The following ERN1 variants were observed in gnomAD, a reference collection of about 807,000 sequenced individuals.
ERN1 encodes serine/threonine-protein kinase/endoribonuclease IRE1.
Under a neutral mutation model 113.1 loss-of-function variants are expected in ERN1, and 39 were observed. That is an observed-to-expected ratio of 0.34 (90% CI 0.27 to 0.45). The LOEUF is 0.45. Among genes scored for constraint, ERN1 ranks in the 20% least tolerant of loss-of-function variants. The probability of loss-of-function intolerance (pLI) is 1.00; values close to 1 mark genes in which losing one functional copy is unlikely to be tolerated. For synonymous variants in ERN1, 507 were observed against 515.9 expected (o/e 0.98, Z 0.23); for missense variants, 976 against 1,274.8 (o/e 0.77, Z 3.57).
At chr17:64,071,885 A>G in intron 6 of ERN1, 96 bp downstream of exon 6, 3 of 1,371,706 alleles carry the variant, frequency 2.2e-6, no homozygotes, top group Non-Finnish European at 3.0e-6. Flanking sequence ...TTTGGAAAAA[A>G]GCAGCTCTGG....
intron 1 of ERN1, among the ~76,000 whole-genome samples, chr17:64,100,421 TG>T (rs1433571999): frequency 8.5e-5 from 13 of 152,316 alleles, no homozygotes; most frequent in African/African-American, 2.6e-4. Flanking sequence ...ATAACCACTC[TG>T]TACAACAGGT....
At chr17:64,064,478 C>T (rs1016029661) in intron 9 of ERN1, among the ~76,000 whole-genome samples, 7 of 152,230 alleles carry the variant, frequency 4.6e-5, no homozygotes, top group Non-Finnish European at 4.4e-5. Flanking sequence ...TAGTCACAAT[C>T]TACGCAACCA....
chr17:64,085,382 A>G (rs1374372186), intron 2 of ERN1, among the ~76,000 whole-genome samples: 1 of 152,186 alleles, frequency 6.6e-6, no homozygotes, highest in Non-Finnish European at 1.5e-5. Flanking sequence ...AGAAGCAGCG[A>G]GAGGGGAGAA....
At chr17:64,050,231 A>T (rs933236168) in intron 17 of ERN1, among the ~76,000 whole-genome samples, 2 of 152,126 alleles carry the variant, frequency 1.3e-5, no homozygotes, top group Non-Finnish European at 2.9e-5. Flanking sequence ...GATTCGGGAC[A>T]GGAGGAACAT....
intron 8 of ERN1, 39 bp from the exon 9 acceptor site, chr17:64,065,326 A>T: frequency 6.9e-7 from 1 of 1,458,804 alleles, no homozygotes; most frequent in Middle Eastern, 1.7e-4. Flanking sequence ...AGAGTCATTG[A>T]ATTTCCAGAT....
intron 11 of ERN1, among the ~76,000 whole-genome samples, chr17:64,058,421 C>T (rs552124699): frequency 6.6e-5 from 10 of 152,260 alleles, no homozygotes; most frequent in African/African-American, 1.9e-4. Context: ...GAAATCCGCA[C>T]GTATACAGAG....
chr17:64,100,353 G>C (rs1273764744), intron 1 of ERN1, among the ~76,000 whole-genome samples: 1 of 152,114 alleles, frequency 6.6e-6, no homozygotes, highest in Admixed American at 6.5e-5. Flanking sequence ...GCATACCTGG[G>C]GCCAAGAAGT....
intron 19 of ERN1, among the ~76,000 whole-genome samples, chr17:64,046,681 G>C (rs143797705): frequency 1.3e-5 from 2 of 152,178 alleles, no homozygotes. Context: ...TCCTGTCCTC[G>C]AGGAGCTTAC....
chr17:64,086,774 G>A (rs991329765), intron 2 of ERN1, among the ~76,000 whole-genome samples: 36 of 149,420 alleles, frequency 2.4e-4, no homozygotes, highest in African/African-American at 8.8e-4. Flanking sequence ...AGCCTACCGA[G>A]TAGCTGGGAC....
chr17:64,068,157 C>T (rs369603772), intron 7 of ERN1, 33 bp downstream of exon 7: 5 of 1,507,148 alleles, frequency 3.3e-6, no homozygotes, highest in Non-Finnish European at 4.6e-6. Context: ...AAGTACTGGC[C>T]CAAGCTTGTG....
At position 64,094,363 on chromosome 17, in the gene ERN1, A is replaced by G. The variant is rs114581148; in HGVS notation, c.175+3758T>C. ...GTCCGAGCATTTACATGCTATATCTATGTGATTAAAAAAATACTTTCCTAT... is the reference window on the plus strand; with the variant it reads ...GTCCGAGCATTTACATGCTATATCTGTGTGATTAAAAAAATACTTTCCTAT... On this transcript the variant is annotated intron_variant, in intron 2 of 21. Transcript: ENST00000433197. Among the ~76,000 whole-genome samples, 957 of 152,242 alleles carry G rather than the reference A, an allele frequency of 6.3e-3. 8 individuals carry two copies. Among genetic ancestry groups the G allele is most frequent in the African/African-American group, 0.022 (919 of 41,528 alleles).
chr17:64,092,224 T>C (rs1027910614), intron 2 of ERN1, among the ~76,000 whole-genome samples: 2 of 152,100 alleles, frequency 1.3e-5, no homozygotes, highest in Non-Finnish European at 2.9e-5. Flanking sequence ...CCAGTCTGCA[T>C]GACAGGGCTT....
At chr17:64,085,875 G>C (rs904439117) in intron 2 of ERN1, among the ~76,000 whole-genome samples, 1 of 152,106 alleles carries the variant, frequency 6.6e-6, no homozygotes, top group Non-Finnish European at 1.5e-5. Flanking sequence ...ACTACTCCTT[G>C]CCTCAAGGTC....
intron 12 of ERN1, 100 bp from the exon 13 acceptor site, chr17:64,056,048 C>G (rs1912858930): frequency 6.9e-7 from 1 of 1,444,000 alleles, no homozygotes; most frequent in Non-Finnish European, 9.1e-7. Flanking sequence ...AGCATGTGTA[C>G]TTTATGTGAC....
chr17:64,053,683 T>C (rs1912762012), intron 15 of ERN1, among the ~76,000 whole-genome samples: 1 of 152,106 alleles, frequency 6.6e-6, no homozygotes, highest in Admixed American at 6.5e-5. Context: ...TCTTAAAGCC[T>C]GGAGTTACCA....
rs371735976 is a variant in ERN1, at chr17:64,045,342, C to T, written c.2653+17G>A. 4.4e-4 allele frequency: 718 copies of T among 1,613,738 alleles called. No homozygotes were observed. The highest frequency in any genetic ancestry group is 5.5e-4 in the Admixed American group (33 of 60,010). ...GACTTTTGCAACCTGCCCTCTCACA[C>T]GCTGCAGCATGATCACCTGTCTGGA... On this transcript the variant is annotated intron_variant, in intron 20 of 21. Coordinates refer to ENST00000433197, the MANE Select transcript of ERN1 (RefSeq NM_001433.5).
At chr17:64,128,669 G>C (rs529020316) in intron 1 of ERN1, 20 of 152,204 alleles carry the variant, frequency 1.3e-4, no homozygotes, top group African/African-American at 3.6e-4. Flanking sequence ...ACCAATCCAA[G>C]GTGAGGTGCT....
intron 1 of ERN1, among the ~76,000 whole-genome samples, chr17:64,112,224 C>T (rs962857532): frequency 6.6e-6 from 1 of 151,876 alleles, no homozygotes; most frequent in African/African-American, 2.4e-5. Context: ...AAAAATTAGC[C>T]GGACACGGTG....
chr17:64,066,310 G>C (rs1185630916), intron 8 of ERN1, among the ~76,000 whole-genome samples: 1 of 152,076 alleles, frequency 6.6e-6, no homozygotes, highest in Admixed American at 6.5e-5. Context: ...CTTTATTTGT[G>C]TGTGTGTGGT....
Sources: gnomAD v4.1 joint callset for allele counts (sites outside exome capture counted in the v4.1 genomes callset) on GRCh38, gnomAD v4.1.1 for gene constraint, MANE v1.5 for transcripts, NCBI Gene and HGNC (gene_info 2026-07-23, HGNC 2026-07-21) for gene names.